Variants in CDK14 observed in about 807,000 individuals in gnomAD.
CDK14 encodes the protein cyclin dependent kinase 14.
CDK14 carries 34 observed loss-of-function variants against 60.7 expected under a neutral mutation model. That is an observed-to-expected ratio of 0.56 (90% CI 0.43 to 0.75). CDK14 has a LOEUF of 0.75. Among genes scored for constraint, CDK14 ranks in the 30% least tolerant of loss-of-function variants. CDK14 has a pLI of 0.00. For missense variants in CDK14, 482 were observed against 564.1 expected, an observed-to-expected ratio of 0.85 and a Z score of 1.47; for synonymous variants, 197 against 203.7, an observed-to-expected ratio of 0.97 and a Z score of 0.28.
chr7:90,889,345 T>G (rs967419330), intron 6 of CDK14, among the ~76,000 whole-genome samples: 4 of 152,192 alleles, frequency 2.6e-5, no homozygotes, highest in Non-Finnish European at 5.9e-5. Context: ...AGCCAAATAG[T>G]AAGTTTTTTG....
At chr7:90,738,674 C>CT (rs1321156892) in intron 3 of CDK14, among the ~76,000 whole-genome samples, 21 of 152,208 alleles carry the variant, frequency 1.4e-4, no homozygotes, top group Non-Finnish European at 3.1e-4. Context: ...AGCCTACACT[C>CT]TAAGTAGGGA....
intron 2 of CDK14, among the ~76,000 whole-genome samples, chr7:90,649,843 C>G (rs569822283): frequency 6.6e-6 from 1 of 152,234 alleles, no homozygotes; most frequent in Non-Finnish European, 1.5e-5. Context: ...GCCACATTTT[C>G]TTAATCCAGT....
intron 9 of CDK14, among the ~76,000 whole-genome samples, chr7:90,976,115 A>G (rs1795064778): frequency 6.6e-6 from 1 of 152,140 alleles, no homozygotes; most frequent in Non-Finnish European, 1.5e-5. Flanking sequence ...AAACCTCCAT[A>G]CTGTTCTCCA....
Position 90,963,086 on chromosome 7 carries a change from A to AGAGTGTGTGTGTGTGT in CDK14, c.947+7270_947+7271insAGTGTGTGTGTGTGTG, listed in dbSNP as rs146903374. Among the ~76,000 whole-genome samples, 241 of 142,174 alleles carry AGAGTGTGTGTGTGTGT rather than the reference A, an allele frequency of 1.7e-3. 2 individuals carry two copies. Among genetic ancestry groups the AGAGTGTGTGTGTGTGT allele is most frequent in the South Asian group, 6.9e-3 (29 of 4,232 alleles). 93.3% of individuals were successfully genotyped at this position (142,174 alleles called of 152,430 possible). On this transcript the variant is annotated intron_variant, in intron 9 of 14. Coordinates refer to ENST00000380050, the MANE Select transcript of CDK14 (RefSeq NM_001287135.2). ...TGGCCCAGGATATTCTCATCTTAAG[A>AGAGTGTGTGTGTGTGT]GTGTGTGTGTGTGTGTGTGTGTGTG...
At chr7:90,849,816 A>T (rs1202428390) in intron 5 of CDK14, among the ~76,000 whole-genome samples, 1 of 152,072 alleles carries the variant, frequency 6.6e-6, no homozygotes, top group African/African-American at 2.4e-5. Flanking sequence ...GTTCTACTGT[A>T]AATCCATGTA....
At chr7:90,986,718 G>T (rs802403) in intron 10 of CDK14, among the ~76,000 whole-genome samples, 51,931 of 151,550 alleles carry the variant, frequency 0.34, 9,257 homozygotes, top group East Asian at 0.48. Flanking sequence ...AAATTTTTAT[G>T]CAAAGACATA....
chr7:90,963,086 A>AGAGTGTGTGTGTGT (rs146903374), intron 9 of CDK14, among the ~76,000 whole-genome samples: 2,873 of 142,120 alleles, frequency 0.02, 49 homozygotes, highest in South Asian at 0.039. Flanking sequence ...TCATCTTAAG[A>AGAGTGTGTGTGTGT]GTGTGTGTGT....
At chr7:90,640,073 G>A (rs1264467177) in intron 2 of CDK14, among the ~76,000 whole-genome samples, 5 of 152,108 alleles carry the variant, frequency 3.3e-5, no homozygotes, top group South Asian at 2.1e-4. Context: ...TGTGCTTCCC[G>A]AGTGAGGCAG....
At chr7:90,695,207 T>C (rs1801630193) in intron 2 of CDK14, among the ~76,000 whole-genome samples, 1 of 152,196 alleles carries the variant, frequency 6.6e-6, no homozygotes, top group Non-Finnish European at 1.5e-5. Context: ...GAATTTTCTG[T>C]ATTCCTTTAA....
intron 10 of CDK14, among the ~76,000 whole-genome samples, chr7:91,013,118 A>C (rs1796207943): frequency 6.6e-6 from 1 of 152,200 alleles, no homozygotes; most frequent in African/African-American, 2.4e-5. Flanking sequence ...ACAGGTTATC[A>C]CTACTCTAGA....
intron 14 of CDK14, among the ~76,000 whole-genome samples, chr7:91,155,331 G>C (rs1282044693): frequency 6.6e-6 from 1 of 152,178 alleles, no homozygotes; most frequent in East Asian, 1.9e-4. Context: ...AAGGTGATGG[G>C]AAGTAAAGAA....
chr7:90,961,008 A>T (rs1794587830), intron 9 of CDK14, among the ~76,000 whole-genome samples: 1 of 152,156 alleles, frequency 6.6e-6, no homozygotes, highest in Non-Finnish European at 1.5e-5. Flanking sequence ...AAGAAAACCA[A>T]ACCCAGAGAT....
intron 14 of CDK14, among the ~76,000 whole-genome samples, chr7:91,192,093 A>T (rs932310929): frequency 5.9e-5 from 9 of 152,212 alleles, no homozygotes; most frequent in Non-Finnish European, 1.2e-4. Context: ...AACCAAAGAT[A>T]GCTATCTCCT....
At chr7:90,918,587 C>T (rs1026254414) in intron 8 of CDK14, among the ~76,000 whole-genome samples, 4 of 152,212 alleles carry the variant, frequency 2.6e-5, no homozygotes, top group African/African-American at 4.8e-5. Context: ...CTGATGGCAG[C>T]ATAACGTGTT....
chr7:90,758,359 T>C (rs1473284892), intron 4 of CDK14, among the ~76,000 whole-genome samples: 1 of 152,188 alleles, frequency 6.6e-6, no homozygotes, highest in Non-Finnish European at 1.5e-5. Flanking sequence ...ATCTCTCTTC[T>C]GGTTTGGTTT....
intron 3 of CDK14, among the ~76,000 whole-genome samples, chr7:90,744,857 C>G (rs1026063428): frequency 1.4e-5 from 2 of 143,152 alleles, no homozygotes; most frequent in East Asian, 2.2e-4. Context: ...CTGACCCCCC[C>G]ACCTCCCTCC....
intron 14 of CDK14, among the ~76,000 whole-genome samples, chr7:91,179,432 C>T (rs1801916579): frequency 6.6e-6 from 1 of 150,822 alleles, no homozygotes. Context: ...TGCAGCGCAC[C>T]AGCATGGCAC....
At chr7:90,891,352 A>G (rs1219211951) in intron 6 of CDK14, among the ~76,000 whole-genome samples, 1 of 152,230 alleles carries the variant, frequency 6.6e-6, no homozygotes, top group Non-Finnish European at 1.5e-5. Flanking sequence ...AGTTTGTAAC[A>G]TATCCCATTT....
chr7:91,093,255 T>A (rs1264936374), intron 12 of CDK14, among the ~76,000 whole-genome samples: 5 of 152,156 alleles, frequency 3.3e-5, no homozygotes, highest in Non-Finnish European at 5.9e-5. Flanking sequence ...GAAAGCATGC[T>A]TTTGCACTGT....
Sources: allele counts gnomAD v4.1 joint callset (sites outside exome capture counted in the v4.1 genomes callset), GRCh38; gene constraint gnomAD v4.1.1; transcripts MANE v1.5; gene names NCBI Gene and HGNC (gene_info 2026-07-23, HGNC 2026-07-21).